The following TNIK variants were observed in gnomAD, a reference collection of about 807,000 sequenced individuals.
TNIK encodes the protein TRAF2 and NCK interacting kinase.
In TNIK, 49 loss-of-function variants were observed where a neutral mutation model predicts 191.3. That is an observed-to-expected ratio of 0.26 (90% confidence interval 0.20 to 0.32). TNIK has a LOEUF of 0.32. TNIK is among the 10% of genes least tolerant of loss of function. The pLI, the probability that TNIK is intolerant of heterozygous loss-of-function variation, is 1.00. For synonymous variants in TNIK, 594 were observed against 600.9 expected, an observed-to-expected ratio of 0.99 and a Z score of 0.17; for missense variants, 1,155 against 1,702.3, an observed-to-expected ratio of 0.68 and a Z score of 5.66.
At chr3:171,414,274 T>C (rs1395652814) in intron 1 of TNIK, among the ~76,000 whole-genome samples, 6 of 152,224 alleles carry the variant, frequency 3.9e-5, no homozygotes, top group Non-Finnish European at 8.8e-5. Context: ...ATCATTCCCT[T>C]AGTTCAGATA....
At chr3:171,459,727 G>A (rs1258947145) in intron 1 of TNIK, among the ~76,000 whole-genome samples, 1 of 135,670 alleles carries the variant, frequency 7.4e-6, no homozygotes, top group East Asian at 2.4e-4. Context: ...TCATTTTAAT[G>A]CTCTTACACC....
intron 4 of TNIK, among the ~76,000 whole-genome samples, chr3:171,206,252 TATG>T (rs977261873): frequency 3.3e-5 from 5 of 151,758 alleles, no homozygotes; most frequent in Admixed American, 2.6e-4. Flanking sequence ...CATGTATATA[TATG>T]ATGATATGAT....
chr3:171,060,707 C>A lies in TNIK; in HGVS notation c.*3174G>T, dbSNP rs559784532. On this transcript the variant is annotated 3_prime_UTR_variant, in exon 33 of 33. Transcript: ENST00000436636. ...CTGGAACTGGCAGGGGGAAGAGCCT[C>A]ATTATTTGAAGGAACTTCACTGGTC... Among the ~76,000 whole-genome samples, 38 of 152,232 alleles carry A rather than the reference C, an allele frequency of 2.5e-4. No homozygotes were observed. Among genetic ancestry groups the A allele is most frequent in the African/African-American group, 9.1e-4 (38 of 41,546 alleles).
At chr3:171,219,459 T>C (rs977178079) in intron 3 of TNIK, among the ~76,000 whole-genome samples, 2 of 151,136 alleles carry the variant, frequency 1.3e-5, no homozygotes, top group African/African-American at 4.8e-5. Context: ...CTTAGCAAGC[T>C]CTGCATGGGG....
chr3:171,424,593 A>G (rs938359115), intron 1 of TNIK, among the ~76,000 whole-genome samples: 2 of 152,164 alleles, frequency 1.3e-5, no homozygotes, highest in Admixed American at 1.3e-4. Flanking sequence ...CAAATGTCCA[A>G]CAGTGATAGA....
At chr3:171,094,301 A>AT (rs1262692333) in intron 22 of TNIK, among the ~76,000 whole-genome samples, 3 of 151,476 alleles carry the variant, frequency 2.0e-5, no homozygotes, top group Admixed American at 6.6e-5. Context: ...CGCCCAGCTA[A>AT]TTTTTTTTGT....
intron 18 of TNIK, among the ~76,000 whole-genome samples, chr3:171,116,605 C>A (rs577991210): frequency 4.9e-4 from 75 of 152,194 alleles, no homozygotes; most frequent in Non-Finnish European, 9.1e-4. Flanking sequence ...GATGACACAG[C>A]CAATGAGAAG....
chr3:171,212,440 T>G (rs1740953298), intron 3 of TNIK, among the ~76,000 whole-genome samples: 1 of 152,114 alleles, frequency 6.6e-6, no homozygotes, highest in Non-Finnish European at 1.5e-5. Context: ...GGTATGGAGG[T>G]ATGTCCCATT....
At position 171,215,147 on chromosome 3, in the gene TNIK, C is replaced by A. The variant is rs557656825; in HGVS notation, c.181-3906G>T. Among the ~76,000 whole-genome samples the A allele has an allele frequency of 4.1e-4, 62 of 152,236 alleles. No individual in the cohort carries two copies. In the South Asian group the frequency reaches 0.013, roughly 31 times the overall value. On this transcript the variant is annotated intron_variant, in intron 3 of 32. Coordinates refer to ENST00000436636, the MANE Select transcript of TNIK (RefSeq NM_015028.4). ...CCTCTCCTACTGCTTGCCAGAGAACCAACCCTTCAACCCCCATGTGAGAAA... is the reference window on the plus strand; with the variant it reads ...CCTCTCCTACTGCTTGCCAGAGAACAAACCCTTCAACCCCCATGTGAGAAA...
chr3:171,075,488 A>G lies in TNIK; in HGVS notation c.3448+4030T>C, dbSNP rs16855768. Among the ~76,000 whole-genome samples, 937 of 152,340 alleles carry G rather than the reference A, an allele frequency of 6.2e-3. 13 individuals are homozygous for G. The highest frequency in any genetic ancestry group is 0.022 in the African/African-American group (895 of 41,564). Reference sequence around the variant, plus strand: ...AGTACCAAATAATTCTGATTCCTGAACAAAAATGTACAGTGGAGCAAATAG... The same window carrying G: ...AGTACCAAATAATTCTGATTCCTGAGCAAAAATGTACAGTGGAGCAAATAG... On this transcript the variant is annotated intron_variant, in intron 28 of 32. Transcript: ENST00000436636.
intron 18 of TNIK, among the ~76,000 whole-genome samples, chr3:171,116,268 T>G (rs1726678017): frequency 6.6e-6 from 1 of 152,210 alleles, no homozygotes; most frequent in South Asian, 2.1e-4. Context: ...GAGGATCAAT[T>G]TCAGAAGAAT....
At chr3:171,403,444 G>A (rs150394119) in intron 1 of TNIK, among the ~76,000 whole-genome samples, 9,051 of 151,854 alleles carry the variant, frequency 0.06, 438 homozygotes, top group African/African-American at 0.14. Flanking sequence ...GTGAAACCCC[G>A]TCTCTACTAA....
chr3:171,345,812 T>A (rs997001477), intron 2 of TNIK, among the ~76,000 whole-genome samples: 1 of 152,188 alleles, frequency 6.6e-6, no homozygotes, highest in Admixed American at 6.5e-5. Flanking sequence ...ATGCTTTTAG[T>A]ATCATCTAGT....
chr3:171,430,377 T>A (rs2108657596), intron 1 of TNIK, among the ~76,000 whole-genome samples: 1 of 152,264 alleles, frequency 6.6e-6, no homozygotes, highest in South Asian at 2.1e-4. Context: ...TAGTGGCTCA[T>A]CCCTGTAATC....
chr3:171,437,263 A>G (rs1488281131), intron 1 of TNIK, among the ~76,000 whole-genome samples: 2 of 152,202 alleles, frequency 1.3e-5, no homozygotes, highest in African/African-American at 4.8e-5. Context: ...AGAACGTGGG[A>G]GACATCGGGA....
At chr3:171,079,874 T>C (rs1030251365) in intron 27 of TNIK, among the ~76,000 whole-genome samples, 1 of 152,234 alleles carries the variant, frequency 6.6e-6, no homozygotes, top group Admixed American at 6.5e-5. Flanking sequence ...AGAATTACAA[T>C]GTCTTTTATC....
chr3:171,230,382 C>T (rs746415984), intron 2 of TNIK, among the ~76,000 whole-genome samples: 4 of 152,234 alleles, frequency 2.6e-5, no homozygotes, highest in African/African-American at 9.6e-5. Flanking sequence ...GTAGGGGAAA[C>T]GTAGGCAAAT....
chr3:171,314,193 C>G (rs1221452989), intron 2 of TNIK, among the ~76,000 whole-genome samples: 1 of 152,180 alleles, frequency 6.6e-6, no homozygotes, highest in Non-Finnish European at 1.5e-5. Flanking sequence ...AACCACATCT[C>G]TTAGTGCAGC....
chr3:171,140,336 C>T (rs1730635207), intron 13 of TNIK, 63 bp downstream of exon 13: 2 of 1,377,746 alleles, frequency 1.5e-6, no homozygotes, highest in Middle Eastern at 1.9e-4. Context: ...ACCCACACCC[C>T]AGAGAAGGCT....
Sources: allele counts gnomAD v4.1 joint callset (sites outside exome capture counted in the v4.1 genomes callset), GRCh38; gene constraint gnomAD v4.1.1; transcripts MANE v1.5; gene names NCBI Gene and HGNC (gene_info 2026-07-23, HGNC 2026-07-21).